The following LSAMP variants were observed in gnomAD, a reference collection of about 807,000 sequenced individuals.
The protein encoded by LSAMP is limbic system associated membrane protein, also known as limbic system-associated membrane protein.
LSAMP carries 7 observed loss-of-function variants against 38.6 expected under a neutral mutation model. The observed-to-expected ratio is 0.18, with a 90% CI of 0.10 to 0.34. LSAMP has a LOEUF of 0.34. Ranked by LOEUF, LSAMP falls within the 10% of genes least tolerant of loss-of-function variation. LSAMP has a pLI of 1.00. For synonymous variants in LSAMP, 154 were observed against 166.8 expected (o/e 0.92, Z 0.59); for missense variants, 313 against 420.0 (o/e 0.75, Z 2.23).
chr3:116,046,197 G>A (rs1941284557), intron 2 of LSAMP, among the ~76,000 whole-genome samples: 1 of 152,156 alleles, frequency 6.6e-6, no homozygotes, highest in Non-Finnish European at 1.5e-5. Flanking sequence ...CTTTGAAGCT[G>A]ACATTCTGGG....
chr3:115,935,344 A>C lies in LSAMP; in HGVS notation c.515-82727T>G, dbSNP rs1204768754. On this transcript the variant is annotated intron_variant, in intron 3 of 6. Coordinates refer to ENST00000490035, the MANE Select transcript of LSAMP (RefSeq NM_002338.5). The stretch of plus-strand genomic sequence containing the variant: ...GGATGACTTCTCTGCTTTCTGAAAG[A>C]GGTGTGGCCGGGTGGGGGGATAAAG... Among the ~76,000 whole-genome samples, 3 of 152,246 alleles carry C rather than the reference A, an allele frequency of 2.0e-5. No individual in the cohort carries two copies. The East Asian group carries it at 5.8e-4, about 29-fold the overall frequency.
At chr3:116,243,149 A>T (rs1400175616) in intron 1 of LSAMP, among the ~76,000 whole-genome samples, 1 of 152,130 alleles carries the variant, frequency 6.6e-6, no homozygotes, top group East Asian at 1.9e-4. Flanking sequence ...ATTCAGAGCA[A>T]TGCACGTCTG....
At chr3:116,282,192 A>G (rs994277328) in intron 1 of LSAMP, among the ~76,000 whole-genome samples, 2 of 152,206 alleles carry the variant, frequency 1.3e-5, no homozygotes, top group African/African-American at 4.8e-5. Flanking sequence ...ACAAGGACAG[A>G]GGGAAAAATG....
In LSAMP at chr3:116,280,717, G is replaced by A. The variant is rs1576479576; in HGVS notation, c.155+164160C>T. ...GCTAGGTGACTGGCTAATATCCAGGGGCTTCTCCTTCTTTCCAACAGTCGT... is the reference window on the plus strand; with the variant it reads ...GCTAGGTGACTGGCTAATATCCAGGAGCTTCTCCTTCTTTCCAACAGTCGT... On this transcript the variant is annotated intron_variant, in intron 1 of 6. Transcript: ENST00000490035. Among the ~76,000 whole-genome samples, 4 of 152,274 alleles carry A rather than the reference G, an allele frequency of 2.6e-5. No homozygotes were observed. In the East Asian group the frequency reaches 7.7e-4, roughly 29 times the overall value.
chr3:116,306,751 C>G (rs2047490235), intron 1 of LSAMP, among the ~76,000 whole-genome samples: 1 of 151,916 alleles, frequency 6.6e-6, no homozygotes, highest in African/African-American at 2.4e-5. Context: ...GTCTCTTGTT[C>G]TATTTTCTGA....
At chr3:116,356,306 G>T (rs926528825) in intron 1 of LSAMP, among the ~76,000 whole-genome samples, 1 of 152,186 alleles carries the variant, frequency 6.6e-6, no homozygotes. Flanking sequence ...ACATTGTTAA[G>T]TGAAGTAAGC....
Position 116,431,793 on chromosome 3 carries a change from A to T in LSAMP, c.155+13084T>A, listed in dbSNP as rs115391071. Among the ~76,000 whole-genome samples, 4 of 152,202 alleles carry T rather than the reference A, an allele frequency of 2.6e-5. No individual in the cohort carries two copies. The East Asian group carries it at 5.8e-4, about 22-fold the overall frequency. ...GTCATCTTCATTAAGCATGCTCATTAACAAATCACTAGATCTCTTTGTGAC... is the reference window on the plus strand; with the variant it reads ...GTCATCTTCATTAAGCATGCTCATTTACAAATCACTAGATCTCTTTGTGAC... On this transcript the variant is annotated intron_variant, in intron 1 of 6. Transcript: ENST00000490035.
At chr3:116,017,439 C>G (rs1388091055) in intron 3 of LSAMP, among the ~76,000 whole-genome samples, 2 of 151,860 alleles carry the variant, frequency 1.3e-5, no homozygotes, top group Non-Finnish European at 2.9e-5. Flanking sequence ...AGTATATTTA[C>G]ATAGACATTT....
chr3:116,072,706 G>C (rs139546785), intron 2 of LSAMP, among the ~76,000 whole-genome samples: 16 of 144,312 alleles, frequency 1.1e-4, no homozygotes, highest in African/African-American at 4.0e-4. Flanking sequence ...CTTTTGAGAA[G>C]TATCTGTTAT....
At chr3:116,053,919 G>A (rs1941441818) in intron 2 of LSAMP, among the ~76,000 whole-genome samples, 1 of 152,072 alleles carries the variant, frequency 6.6e-6, no homozygotes, top group Non-Finnish European at 1.5e-5. Flanking sequence ...TTAACACTTT[G>A]TTTTTAAATA....
At chr3:116,118,051 G>A (rs981363448) in intron 1 of LSAMP, among the ~76,000 whole-genome samples, 4 of 152,112 alleles carry the variant, frequency 2.6e-5, no homozygotes, top group Admixed American at 6.5e-5. Flanking sequence ...AGTCTCAGTG[G>A]AAAATTAAGG....
At chr3:115,992,180 G>A (rs1293772033) in intron 3 of LSAMP, among the ~76,000 whole-genome samples, 7 of 151,980 alleles carry the variant, frequency 4.6e-5, no homozygotes, top group Non-Finnish European at 8.8e-5. Flanking sequence ...TGCCAGATGA[G>A]ATGTCCCCAG....
chr3:116,222,938 C>T (rs182629971), intron 1 of LSAMP, among the ~76,000 whole-genome samples: 88 of 151,764 alleles, frequency 5.8e-4, no homozygotes, highest in Middle Eastern at 3.4e-3. Context: ...TGGGGTTTCA[C>T]CGTGTTAGCC....
Position 116,445,103 on chromosome 3 carries a change from A to T in LSAMP, c.-72T>A, listed in dbSNP as rs1041755021. On this transcript the variant is annotated 5_prime_UTR_variant, in exon 1 of 7. The change abolishes the stop of an existing upstream ORF in the 5' untranslated region. Transcript: ENST00000490035. ...CGCGCTGCTCGCGAGGAGAGGCTTC[A>T]CCAACACGGGGCTTTCATCCACAGC... 8.1e-6 allele frequency: 12 copies of T among 1,474,448 alleles called. No homozygotes were observed. In the Admixed American group the frequency reaches 1.4e-4, roughly 17 times the overall value. The allele number at this position is 1,474,448 out of a possible 1,614,324, so 91.3% of individuals were successfully genotyped here.
chr3:116,088,410 C>T (rs1361570358), intron 1 of LSAMP, among the ~76,000 whole-genome samples: 1 of 152,010 alleles, frequency 6.6e-6, no homozygotes, highest in African/African-American at 2.4e-5. Flanking sequence ...TGCTTGCTGC[C>T]TCATTCCAGA....
intron 2 of LSAMP, among the ~76,000 whole-genome samples, chr3:116,080,786 C>G (rs961993727): frequency 1.3e-5 from 2 of 151,428 alleles, no homozygotes; most frequent in Non-Finnish European, 2.9e-5. Flanking sequence ...TCCAGTTAAT[C>G]ACTAAGATTC....
chr3:116,027,536 A>T (rs974877557), intron 2 of LSAMP, among the ~76,000 whole-genome samples: 4 of 152,154 alleles, frequency 2.6e-5, no homozygotes, highest in Non-Finnish European at 5.9e-5. Flanking sequence ...TAATTTTTGC[A>T]AAGTAAGGAT....
chr3:116,218,507 A>T (rs2046246628), intron 1 of LSAMP, among the ~76,000 whole-genome samples: 1 of 152,168 alleles, frequency 6.6e-6, no homozygotes, highest in Non-Finnish European at 1.5e-5. Context: ...GTTTTAATAT[A>T]GATTTGTCAA....
intron 3 of LSAMP, among the ~76,000 whole-genome samples, chr3:115,913,114 C>T (rs1937169663): frequency 6.6e-6 from 1 of 152,196 alleles, no homozygotes; most frequent in African/African-American, 2.4e-5. Context: ...TTCTGGCAGG[C>T]AATTATTATT....
Sources: gnomAD v4.1 joint callset for allele counts (sites outside exome capture counted in the v4.1 genomes callset) on GRCh38, gnomAD v4.1.1 for gene constraint, MANE v1.5 for transcripts, NCBI Gene and HGNC (gene_info 2026-07-23, HGNC 2026-07-21) for gene names.